TDRD7: variants seen among roughly 807,000 people sequenced by gnomAD.
The protein encoded by TDRD7 is tudor domain-containing protein 7.
Under a neutral mutation model 109.8 loss-of-function variants are expected in TDRD7, and 47 were observed. That is an observed-to-expected ratio of 0.43 (90% confidence interval 0.34 to 0.55). The LOEUF (loss-of-function observed/expected upper bound fraction) is 0.55, where lower values mean the gene tolerates loss of function less well. Among genes scored for constraint, TDRD7 ranks in the 20% least tolerant of loss-of-function variants. TDRD7 has a pLI of 0.03. For missense variants in TDRD7, 1,164 were observed against 1,319.2 expected (o/e 0.88, Z 1.82); for synonymous variants, 424 against 457.3 (o/e 0.93, Z 0.93).
intron 1 of TDRD7, among the ~76,000 whole-genome samples, chr9:97,416,615 C>T (rs763359293): frequency 5.9e-5 from 9 of 152,198 alleles, no homozygotes; most frequent in Admixed American, 3.3e-4. Flanking sequence ...AAATAATCTA[C>T]TTGATGATTC....
At chr9:97,464,279 C>T (rs1257809928) in intron 7 of TDRD7, among the ~76,000 whole-genome samples, 1 of 152,194 alleles carries the variant, frequency 6.6e-6, no homozygotes. Context: ...CTGGATTGCT[C>T]CACGTTTCCT....
At position 97,460,555 on chromosome 9, in the gene TDRD7, C is replaced by CA; in HGVS notation, c.1237dup (p.Ile413AsnfsTer11). On this transcript the variant is annotated frameshift_variant, in exon 7 of 17. Transcript: ENST00000355295. LOFTEE classifies it high-confidence loss of function. ...ATGCTAAACTTCCATTGCCCACTGA[C>CA]AAAATCCAAAAGGATGCAGGGCAAG... 1 of 1,614,168 alleles carries CA rather than the reference C, an allele frequency of 6.2e-7. No homozygotes were observed. The highest frequency in any genetic ancestry group is 2.2e-5 in the East Asian group (1 of 44,862).
chr9:97,444,560 A>G (rs1357433035), intron 6 of TDRD7, among the ~76,000 whole-genome samples: 1 of 152,240 alleles, frequency 6.6e-6, no homozygotes, highest in Non-Finnish European at 1.5e-5. Context: ...AGATGTTACT[A>G]CAAGCAAAAT....
chr9:97,413,532 T>C (rs955455880), intron 1 of TDRD7, among the ~76,000 whole-genome samples: 4 of 152,250 alleles, frequency 2.6e-5, no homozygotes, highest in Admixed American at 2.0e-4. Context: ...AATTGGATTT[T>C]AGTTTTTTGA....
At chr9:97,439,360 G>A (rs1322455925) in intron 5 of TDRD7, 42 bp downstream of exon 5, 7 of 1,531,818 alleles carry the variant, frequency 4.6e-6, no homozygotes, top group Non-Finnish European at 6.3e-6. Flanking sequence ...TTGGCTTCCG[G>A]AGTCAAGAAA....
chr9:97,488,567 T>TG (rs1320529545), intron 16 of TDRD7, among the ~76,000 whole-genome samples: 1 of 95,026 alleles, frequency 1.1e-5, no homozygotes, highest in East Asian at 3.2e-4. Context: ...ATGGTTTTTT[T>TG]TTTTTTTTTT....
intron 1 of TDRD7, among the ~76,000 whole-genome samples, chr9:97,422,830 T>C (rs530333856): frequency 2.2e-4 from 34 of 152,352 alleles, no homozygotes; most frequent in African/African-American, 7.2e-4. Flanking sequence ...TAGTAAGTTA[T>C]ATTGATTGAC....
In TDRD7 at chr9:97,483,331, T is replaced by C; in HGVS notation, c.2895T>C (p.Tyr965=). ...RHIAVEKDQV[Y]AAKVENKWHR... ...TAGCAGTGGAGAAAGACCAAGTGTATGCTGCAAAAGTGGAAAATAAGTAGG... is the reference window on the plus strand; with the variant it reads ...TAGCAGTGGAGAAAGACCAAGTGTACGCTGCAAAAGTGGAAAATAAGTAGG... Residue 965 remains tyrosine (Y), a synonymous_variant, in exon 15 of 17, where the codon TAT becomes TAC. Coordinates refer to ENST00000355295, the MANE Select transcript of TDRD7 (RefSeq NM_014290.3). 6.2e-7 allele frequency: 1 copy of C among 1,614,048 alleles called. No homozygotes were observed.
At position 97,460,352 on chromosome 9, in the gene TDRD7, A is replaced by G; in HGVS notation, c.1030A>G (p.Lys344Glu). Residue 344 changes from lysine (K) to glutamate (E), a missense_variant, in exon 7 of 17, where the codon AAA (lysine) becomes GAA (glutamate). This residue lies in a region of TDRD7 where 407 missense variants were observed against 394.0 expected (regional missense o/e 1.03). Transcript: ENST00000355295. ...PTVMAGDFKE[K>E]VADLLVKYTS... ...AGTTATGGCAGGAGACTTTAAAGAAAAAGTGGCAGACCTGCTGGTGAAATA... is the reference window on the plus strand; with the variant it reads ...AGTTATGGCAGGAGACTTTAAAGAAGAAGTGGCAGACCTGCTGGTGAAATA... 6.2e-7 allele frequency: 1 copy of G among 1,614,214 alleles called. No individual in the cohort carries two copies. Among genetic ancestry groups the G allele is most frequent in the Non-Finnish European group, 8.5e-7 (1 of 1,180,034 alleles).
chr9:97,481,186 T>G (rs1587892250), intron 14 of TDRD7, among the ~76,000 whole-genome samples: 1 of 152,368 alleles, frequency 6.6e-6, no homozygotes, highest in African/African-American at 2.4e-5. Flanking sequence ...TTCCCATTAT[T>G]AATGTAGAAG....
chr9:97,458,605 A>G (rs1828659873), intron 6 of TDRD7, among the ~76,000 whole-genome samples: 1 of 152,194 alleles, frequency 6.6e-6, no homozygotes, highest in Non-Finnish European at 1.5e-5. Context: ...GACAGATTAC[A>G]GGAGGTGCCA....
Position 97,428,609 on chromosome 9 carries a change from A to G in TDRD7, c.144A>G (p.Thr48=), listed in dbSNP as rs149280437. ...WIPFKQLGFP[T]LEAYLRSVPA... ...CCTTCAAACAGCTAGGTTTCCCTAC[A>G]CTAGAAGCCTATCTGAGAAGTGTGC... Residue 48 remains threonine (T), a synonymous_variant, in exon 2 of 17, where the codon ACA becomes ACG. Transcript: ENST00000355295. The G allele has an allele frequency of 8.1e-6, 13 of 1,613,924 alleles. No individual in the cohort carries two copies. In the African/African-American group the frequency reaches 1.6e-4, roughly 20 times the overall value.
intron 14 of TDRD7, 52 bp downstream of exon 14, chr9:97,480,990 C>A: frequency 2.0e-6 from 3 of 1,495,468 alleles, no homozygotes; most frequent in South Asian, 2.3e-5. Flanking sequence ...TGGCAGCTGT[C>A]AGGGCTCATT....
chr9:97,431,071 G>C lies in TDRD7; in HGVS notation c.346G>C (p.Glu116Gln). The change falls in exon 3 of 17, where the codon GAA becomes CAA. Residue 116 changes from glutamate to glutamine, a missense_variant. Physicochemically the swap from Glu to Gln is conservative, Grantham distance 29. Transcript: ENST00000355295. ...RVKKTMPFFL[E>Q]GKPKATLRQP... ...GAAGAAAACCATGCCATTTTTTCTA[G>C]AAGGTAGGAGCTTTTTACATGCTAA... 1 of 1,613,806 alleles carries C rather than the reference G, an allele frequency of 6.2e-7. No homozygotes were observed. The highest frequency in any genetic ancestry group is 8.5e-7 in the Non-Finnish European group (1 of 1,179,760).
At chr9:97,442,016 A>G (rs1828315314) in intron 6 of TDRD7, 141 bp downstream of exon 6, 2 of 743,558 alleles carry the variant, frequency 2.7e-6, no homozygotes, top group Admixed American at 2.1e-5. Flanking sequence ...ATCTCTTAAG[A>G]TTAACATATG....
intron 3 of TDRD7, among the ~76,000 whole-genome samples, chr9:97,431,386 G>T (rs1186926311): frequency 6.6e-6 from 1 of 152,076 alleles, no homozygotes; most frequent in Non-Finnish European, 1.5e-5. Context: ...AATGTTGGCT[G>T]CACCAAGAAC....
intron 6 of TDRD7, among the ~76,000 whole-genome samples, chr9:97,447,675 C>G (rs149091066): frequency 6.6e-6 from 1 of 152,118 alleles, no homozygotes; most frequent in Non-Finnish European, 1.5e-5. Flanking sequence ...TGAATGGATC[C>G]CAGTCCCCCT....
At position 97,470,608 on chromosome 9, in the gene TDRD7, A is replaced by C; in HGVS notation, c.1680A>C (p.Ala560=). The change falls in exon 9 of 17, where the codon GCA becomes GCC. Residue 560 remains alanine (A), a synonymous_variant. Coordinates refer to ENST00000355295, the MANE Select transcript of TDRD7 (RefSeq NM_014290.3). ...GFSENVEKSK[A]YKLNPKFCSL... ...GTGAAAATGTTGAAAAAAGCAAAGC[A>C]TACAAATTAAACCCGAAGTTTTGTT... 1 of 1,614,026 alleles carries C rather than the reference A, an allele frequency of 6.2e-7. No homozygotes were observed.
intron 1 of TDRD7, among the ~76,000 whole-genome samples, chr9:97,418,422 A>C (rs995780677): frequency 6.6e-6 from 1 of 152,190 alleles, no homozygotes; most frequent in Non-Finnish European, 1.5e-5. Flanking sequence ...GACACATTTA[A>C]AGAGGGTGGG....
Sources: allele counts gnomAD v4.1 joint callset (sites outside exome capture counted in the v4.1 genomes callset), GRCh38; gene constraint gnomAD v4.1.1; regional missense constraint gnomAD v4.1.1; transcripts MANE v1.5; gene names NCBI Gene and HGNC (gene_info 2026-07-23, HGNC 2026-07-21).